SLIT2: variants seen among roughly 807,000 people sequenced by gnomAD.
SLIT2 encodes slit homolog 2 protein.
A neutral mutation model predicts 185.7 loss-of-function variants in SLIT2; 41 were observed. The ratio of observed to expected loss-of-function variants is 0.22; its 90% CI spans 0.17 to 0.29. The LOEUF (loss-of-function observed/expected upper bound fraction) is 0.29, where lower values mean the gene tolerates loss of function less well. Among genes scored for constraint, SLIT2 ranks in the 10% least tolerant of loss-of-function variants. The pLI is 1.00. For missense variants in SLIT2, 1,571 were observed against 1,909.0 expected (o/e 0.82, Z 3.30); for synonymous variants, 693 against 680.2 (o/e 1.02, Z -0.29).
At chr4:20,450,781 T>A (rs1363966114) in intron 4 of SLIT2, among the ~76,000 whole-genome samples, 1 of 152,222 alleles carries the variant, frequency 6.6e-6, no homozygotes, top group Non-Finnish European at 1.5e-5. Flanking sequence ...ATAGTGTAAA[T>A]CCAACACTTG....
chr4:20,461,089 A>T lies in SLIT2; in HGVS notation c.396-6663A>T, dbSNP rs1228548036. On this transcript the variant is annotated intron_variant, in intron 4 of 36. Coordinates refer to ENST00000504154, the MANE Select transcript of SLIT2 (RefSeq NM_004787.4). ...TACTTTGCACAGCATCACATAGTTG[A>T]TAGGTTATGGAGATTTTAGCACTAG... 2.0e-5 allele frequency among the ~76,000 whole-genome samples: 3 copies of T among 152,202 alleles called. No homozygotes were observed. The South Asian group carries it at 6.2e-4, about 31-fold the overall frequency.
rs547506446 is a variant in SLIT2 at position 20,373,751 on chromosome 4, T to C, written c.396-94001T>C. 5.7e-4 allele frequency among the ~76,000 whole-genome samples: 87 copies of C among 152,164 alleles called. No individual in the cohort carries two copies. The South Asian group carries it at 0.015, about 25-fold the overall frequency. ...CCCAATTGCATATCCTGCAGGAGCT[T>C]AGAATCTACTGGTAGAAACATACAA... On this transcript the variant is annotated intron_variant, in intron 4 of 36. Transcript: ENST00000504154.
chr4:20,293,672 A>G (rs1320451533), intron 4 of SLIT2, among the ~76,000 whole-genome samples: 1 of 152,256 alleles, frequency 6.6e-6, no homozygotes, highest in Admixed American at 6.5e-5. Flanking sequence ...AACTAGAGGC[A>G]TAGATGTATT....
At chr4:20,395,287 A>C (rs900363556) in intron 4 of SLIT2, among the ~76,000 whole-genome samples, 1 of 152,046 alleles carries the variant, frequency 6.6e-6, no homozygotes, top group Non-Finnish European at 1.5e-5. Flanking sequence ...GGAGGAATAC[A>C]CACAGAGATT....
At chr4:20,321,188 C>T (rs1719048555) in intron 4 of SLIT2, among the ~76,000 whole-genome samples, 1 of 152,112 alleles carries the variant, frequency 6.6e-6, no homozygotes. Context: ...CTCCTCCAAA[C>T]CAATGTCTTC....
At position 20,484,218 on chromosome 4, in the gene SLIT2, T is replaced by C. The variant is rs6836528; in HGVS notation, c.540-1982T>C. ...AGTCATATTTCAGAATGCTATATAC[T>C]ATAAAGATTTTAGCCATATTAAGTC... is the stretch of plus-strand genomic sequence containing the variant. On this transcript the variant is annotated intron_variant, in intron 6 of 36. Coordinates refer to ENST00000504154, the MANE Select transcript of SLIT2 (RefSeq NM_004787.4). This position sits in a 1 kb window ranked among gnomAD's most constrained non-coding sequence, Gnocchi z 4.3. 8.6e-5 allele frequency among the ~76,000 whole-genome samples: 13 copies of C among 152,036 alleles called. No individual in the cohort carries two copies. The highest frequency in any genetic ancestry group is 1.5e-4 in the Non-Finnish European group (10 of 67,986).
At chr4:20,491,275 G>T (rs1481117954) in intron 8 of SLIT2, among the ~76,000 whole-genome samples, 1 of 152,010 alleles carries the variant, frequency 6.6e-6, no homozygotes, top group African/African-American at 2.4e-5. Context: ...ACATTTATTG[G>T]CATATGATTA....
At chr4:20,480,067 G>A (rs978919232) in intron 5 of SLIT2, among the ~76,000 whole-genome samples, 7 of 152,168 alleles carry the variant, frequency 4.6e-5, no homozygotes, top group African/African-American at 1.7e-4. Context: ...ACAATGCAGA[G>A]CATTTGCATA....
chr4:20,356,343 C>G (rs745328281), intron 4 of SLIT2, among the ~76,000 whole-genome samples: 1 of 152,128 alleles, frequency 6.6e-6, no homozygotes, highest in Non-Finnish European at 1.5e-5. Context: ...TAAGTATCAT[C>G]AACTTTTAAT....
chr4:20,336,611 C>G (rs1170293326), intron 4 of SLIT2, among the ~76,000 whole-genome samples: 1 of 152,088 alleles, frequency 6.6e-6, no homozygotes, highest in African/African-American at 2.4e-5. Flanking sequence ...AGCACACCAA[C>G]ATGGCACATG....
chr4:20,607,138 A>G (rs148586369), intron 33 of SLIT2, among the ~76,000 whole-genome samples: 74 of 152,246 alleles, frequency 4.9e-4, no homozygotes, highest in African/African-American at 1.7e-3. Flanking sequence ...TGTGATATAT[A>G]ATCCTTTGCT....
intron 21 of SLIT2, 46 bp from the exon 22 acceptor site, chr4:20,545,985 G>A (rs1723214838): frequency 1.8e-6 from 2 of 1,086,936 alleles, no homozygotes; most frequent in East Asian, 2.5e-5. Context: ...TTTATTCAAG[G>A]CCACCATTAC....
chr4:20,502,214 A>G (rs1235431257), intron 9 of SLIT2, among the ~76,000 whole-genome samples: 1 of 152,246 alleles, frequency 6.6e-6, no homozygotes, highest in Non-Finnish European at 1.5e-5. Context: ...AACATTATAA[A>G]TAAATTGGAG....
chr4:20,515,846 C>T lies in SLIT2; in HGVS notation c.1059-3536C>T, dbSNP rs193180408. On this transcript the variant is annotated intron_variant, in intron 11 of 36. Coordinates refer to ENST00000504154, the MANE Select transcript of SLIT2 (RefSeq NM_004787.4). ...AGCTTTCTTTTTTGAGACGGAGTCT[C>T]GCACTGTCACCGAGGCTGGAGTACA... 1.8e-4 allele frequency among the ~76,000 whole-genome samples: 28 copies of T among 152,202 alleles called. 1 individual carries two copies. The highest frequency in any genetic ancestry group is 6.3e-4 in the African/African-American group (26 of 41,542).
chr4:20,503,414 C>A (rs1388967420), intron 9 of SLIT2, among the ~76,000 whole-genome samples: 1 of 152,056 alleles, frequency 6.6e-6, no homozygotes, highest in African/African-American at 2.4e-5. Context: ...TAGTAAGTGT[C>A]TAAAATTTTT....
chr4:20,282,955 T>C (rs1018176112), intron 4 of SLIT2, among the ~76,000 whole-genome samples: 9 of 152,228 alleles, frequency 5.9e-5, no homozygotes, highest in African/African-American at 2.2e-4. Context: ...CTTATAAATC[T>C]GTTCTTTTCA....
intron 9 of SLIT2, among the ~76,000 whole-genome samples, chr4:20,506,581 G>A (rs1333798039): frequency 6.6e-6 from 1 of 151,746 alleles, no homozygotes; most frequent in African/African-American, 2.4e-5. Flanking sequence ...ATTTAAATAT[G>A]TTTTCCTCTT....
intron 4 of SLIT2, among the ~76,000 whole-genome samples, chr4:20,304,406 G>T (rs571835975): frequency 6.6e-6 from 1 of 152,156 alleles, no homozygotes; most frequent in South Asian, 2.1e-4. Context: ...GGAAGGAGAG[G>T]AGTTGTAATA....
chr4:20,356,616 G>A (rs1205825379), intron 4 of SLIT2, among the ~76,000 whole-genome samples: 1 of 152,160 alleles, frequency 6.6e-6, no homozygotes. Context: ...TATTTCTCCA[G>A]TATTTCTCCC....
Sources: allele counts gnomAD v4.1 joint callset (sites outside exome capture counted in the v4.1 genomes callset), GRCh38; gene constraint gnomAD v4.1.1; non-coding constraint Gnocchi (gnomAD v3.1); transcripts MANE v1.5; gene names NCBI Gene and HGNC (gene_info 2026-07-23, HGNC 2026-07-21).